The following GALNTL6 variants were observed in gnomAD, a reference collection of about 807,000 sequenced individuals.
The protein encoded by GALNTL6 is polypeptide N-acetylgalactosaminyltransferase like 6.
Under a neutral mutation model 73.7 loss-of-function variants are expected in GALNTL6, and 46 were observed. That is an observed-to-expected ratio of 0.62 (90% CI 0.49 to 0.80). GALNTL6 has a LOEUF of 0.80. Ranked by LOEUF, GALNTL6 falls within the 30% of genes least tolerant of loss-of-function variation. The probability of loss-of-function intolerance (pLI) is 0.00; values close to 1 mark genes in which losing one functional copy is unlikely to be tolerated. For missense variants in GALNTL6, 604 were observed against 755.0 expected, an observed-to-expected ratio of 0.80 and a Z score of 2.34; for synonymous variants, 259 against 263.7, an observed-to-expected ratio of 0.98 and a Z score of 0.17.
chr4:172,522,533 G>A (rs1734811021), intron 5 of GALNTL6, among the ~76,000 whole-genome samples: 1 of 152,018 alleles, frequency 6.6e-6, no homozygotes, highest in Admixed American at 6.6e-5. Flanking sequence ...AGCCAGGTGT[G>A]GTGGCAGATG....
At chr4:172,386,297 G>C (rs1432694355) in intron 5 of GALNTL6, among the ~76,000 whole-genome samples, 1 of 152,096 alleles carries the variant, frequency 6.6e-6, no homozygotes, top group African/African-American at 2.4e-5. Flanking sequence ...TCTGGAGTCT[G>C]GAAAGTCCAA....
At chr4:172,968,865 T>C (rs1337363843) in intron 10 of GALNTL6, among the ~76,000 whole-genome samples, 1 of 152,210 alleles carries the variant, frequency 6.6e-6, no homozygotes, top group Non-Finnish European at 1.5e-5. Flanking sequence ...AATTATCTCA[T>C]TTATATATGA....
intron 2 of GALNTL6, among the ~76,000 whole-genome samples, chr4:172,102,570 G>A (rs1386608132): frequency 5.8e-5 from 8 of 137,644 alleles, no homozygotes; most frequent in Non-Finnish European, 1.1e-4. Flanking sequence ...ACAAGGCCAA[G>A]TATTCAACAC....
chr4:172,559,622 T>G (rs1579188659), intron 5 of GALNTL6, among the ~76,000 whole-genome samples: 1 of 152,224 alleles, frequency 6.6e-6, no homozygotes, highest in East Asian at 1.9e-4. Context: ...CTTTGAATCT[T>G]CACTTTGCAG....
chr4:172,716,506 T>TC (rs66781684), intron 5 of GALNTL6, among the ~76,000 whole-genome samples: 5 of 824 alleles, frequency 6.1e-3, no homozygotes, highest in Non-Finnish European at 0.05. Flanking sequence ...AACTGTTTTA[T>TC]CAAACATTCC....
At chr4:172,003,823 T>C (rs1189228561) in intron 2 of GALNTL6, among the ~76,000 whole-genome samples, 1 of 152,064 alleles carries the variant, frequency 6.6e-6, no homozygotes, top group East Asian at 1.9e-4. Flanking sequence ...CAAAAGAAGG[T>C]CTTTACACCC....
At chr4:171,993,428 G>A (rs914579678) in intron 2 of GALNTL6, among the ~76,000 whole-genome samples, 1 of 152,080 alleles carries the variant, frequency 6.6e-6, no homozygotes, top group East Asian at 1.9e-4. Context: ...AATGGGATGA[G>A]TTAACTAAGG....
chr4:172,861,814 TC>T (rs1211160168), intron 7 of GALNTL6, among the ~76,000 whole-genome samples: 2 of 152,232 alleles, frequency 1.3e-5, no homozygotes, highest in Non-Finnish European at 2.9e-5. Context: ...ATGACTTTGC[TC>T]CTCATTTGCC....
intron 2 of GALNTL6, among the ~76,000 whole-genome samples, chr4:171,976,400 C>G (rs1216655186): frequency 1.3e-5 from 2 of 152,204 alleles, no homozygotes; most frequent in Admixed American, 6.5e-5. Context: ...TTGACTATCT[C>G]TGCTACACCA....
chr4:172,584,692 A>C (rs1737333628), intron 5 of GALNTL6, among the ~76,000 whole-genome samples: 1 of 152,178 alleles, frequency 6.6e-6, no homozygotes, highest in South Asian at 2.1e-4. Flanking sequence ...ATTTGGGAGG[A>C]GGAAGAATGA....
At chr4:172,920,366 A>G (rs1747732171) in intron 8 of GALNTL6, among the ~76,000 whole-genome samples, 1 of 152,200 alleles carries the variant, frequency 6.6e-6, no homozygotes, top group African/African-American at 2.4e-5. Context: ...TACCCTTTTT[A>G]GATGTAGTTT....
At chr4:172,159,645 C>T (rs574175226) in intron 2 of GALNTL6, among the ~76,000 whole-genome samples, 5 of 152,204 alleles carry the variant, frequency 3.3e-5, no homozygotes, top group African/African-American at 9.6e-5. Context: ...GTGCCTGGAG[C>T]ATAATGAACA....
rs559944829 is a variant in GALNTL6, at chr4:172,912,575, C to T, written c.1042-18586C>T. Among the ~76,000 whole-genome samples the T allele has an allele frequency of 2.6e-5, 4 of 152,340 alleles. No individual in the cohort carries two copies. In the Middle Eastern group the frequency reaches 0.01, roughly 389 times the overall value. ...GCACACCAGGAGATTATATCCCATG[C>T]TTGGCTCACCAGGTCCCACGCCCAC... On this transcript the variant is annotated intron_variant, in intron 8 of 12. Coordinates refer to ENST00000506823, the MANE Select transcript of GALNTL6 (RefSeq NM_001034845.3).
intron 5 of GALNTL6, among the ~76,000 whole-genome samples, chr4:172,796,064 ATTGACT>A (rs1275180479): frequency 2.6e-5 from 4 of 151,684 alleles, no homozygotes; most frequent in Non-Finnish European, 4.4e-5. Context: ...TTGAACAGTG[ATTGACT>A]TTGAGTGATA....
At chr4:172,606,654 A>ATATATATACTATATATATATAC (rs1738304714) in intron 5 of GALNTL6, among the ~76,000 whole-genome samples, 1 of 38,954 alleles carries the variant, frequency 2.6e-5, no homozygotes, top group African/African-American at 5.5e-5. Context: ...TATATATAGT[A>ATATATATACTATATATATATAC]TATATATACT....
chr4:172,902,371 C>T (rs772349563), intron 8 of GALNTL6, among the ~76,000 whole-genome samples: 5 of 152,094 alleles, frequency 3.3e-5, no homozygotes, highest in African/African-American at 1.2e-4. Flanking sequence ...TAATTAGGCA[C>T]CCACAAGAGA....
chr4:172,757,789 T>C (rs1273901509), intron 5 of GALNTL6, among the ~76,000 whole-genome samples: 1 of 152,232 alleles, frequency 6.6e-6, no homozygotes, highest in Admixed American at 6.5e-5. Flanking sequence ...GGAAAGTAAA[T>C]GTTGAGATGT....
intron 8 of GALNTL6, among the ~76,000 whole-genome samples, chr4:172,922,392 A>G (rs1285355603): frequency 1.3e-5 from 2 of 152,240 alleles, no homozygotes; most frequent in Non-Finnish European, 2.9e-5. Context: ...TATAGAATTT[A>G]ATACCTGCCA....
chr4:171,867,443 G>A (rs866253146), intron 2 of GALNTL6, among the ~76,000 whole-genome samples: 3 of 152,246 alleles, frequency 2.0e-5, no homozygotes, highest in South Asian at 2.1e-4. Flanking sequence ...AGTCACCAGC[G>A]ATTTGTCTTT....
Sources: allele counts gnomAD v4.1 joint callset (sites outside exome capture counted in the v4.1 genomes callset), GRCh38; gene constraint gnomAD v4.1.1; transcripts MANE v1.5; gene names NCBI Gene and HGNC (gene_info 2026-07-23, HGNC 2026-07-21).